The following TRPS1 variants were observed in gnomAD, a reference collection of about 807,000 sequenced individuals.
The protein encoded by TRPS1 is transcriptional repressor GATA binding 1, also known as zinc finger transcription factor Trps1.
Under a neutral mutation model 101.2 loss-of-function variants are expected in TRPS1, and 6 were observed. The ratio of observed to expected loss-of-function variants is 0.06; its 90% CI spans 0.03 to 0.12. The LOEUF (loss-of-function observed/expected upper bound fraction) is 0.12. Among genes scored for constraint, TRPS1 ranks in the 10% least tolerant of loss-of-function variants. TRPS1 has a pLI of 1.00. For synonymous variants in TRPS1, 578 were observed against 589.8 expected, an observed-to-expected ratio of 0.98 and a Z score of 0.29; for missense variants, 1,363 against 1,567.0, an observed-to-expected ratio of 0.87 and a Z score of 2.20.
At chr8:115,448,887 G>C (rs1048595310) in intron 5 of TRPS1, among the ~76,000 whole-genome samples, 4 of 152,046 alleles carry the variant, frequency 2.6e-5, no homozygotes, top group African/African-American at 9.7e-5. Context: ...AAACTTCGTC[G>C]ATCATCTTTT....
chr8:115,547,228 T>G (rs1448857201), intron 5 of TRPS1, among the ~76,000 whole-genome samples: 1 of 152,172 alleles, frequency 6.6e-6, no homozygotes, highest in East Asian at 1.9e-4. Flanking sequence ...TAAGCATCAC[T>G]TGCTTTTTTA....
At position 115,414,645 on chromosome 8, in the gene TRPS1, G is replaced by C. The variant is rs778946343; in HGVS notation, c.3263C>G (p.Ala1088Gly). 1 of 1,613,988 alleles carries C rather than the reference G, an allele frequency of 6.2e-7. No homozygotes were observed. The highest frequency in any genetic ancestry group is 2.2e-5 in the East Asian group (1 of 44,866). The change falls in exon 7 of 7, where the codon GCG becomes GGG. Residue 1088 changes from alanine (A) to glycine (G), a missense_variant. Around this residue, in one of 5 missense-constraint regions of TRPS1, gnomAD observed 307 missense variants for 392.4 expected, o/e 0.78. Transcript: ENST00000395715. This position sits in a 1 kb window ranked among gnomAD's most constrained non-coding sequence, Gnocchi z 4.8. ...TGGTGGTGAATAATTTGGGTGTTTC[G>C]CAGGTCTCATGTACTTTTCTATAGG... ...GSPIEKYMRP[A>G]KHPNYSPPGS...
chr8:115,499,584 A>G (rs909545802), intron 5 of TRPS1, among the ~76,000 whole-genome samples: 7 of 152,226 alleles, frequency 4.6e-5, no homozygotes, highest in African/African-American at 1.7e-4. Flanking sequence ...CAAGAAAAAC[A>G]GTTTAAATCA....
Position 115,629,002 on chromosome 8 carries a change from C to A in TRPS1, c.-121-5244G>T, listed in dbSNP as rs781369330. ...GTGTCCAATCTAGACTGAAATTTCC[C>A]AATCTCATTTGGCTTTATGTCACAT... On this transcript the variant is annotated intron_variant, in intron 1 of 6. Coordinates refer to ENST00000395715, the MANE Select transcript of TRPS1 (RefSeq NM_014112.5). Among the ~76,000 whole-genome samples the A allele has an allele frequency of 2.0e-5, 3 of 151,888 alleles. No individual in the cohort carries two copies. In the South Asian group the frequency reaches 6.2e-4, roughly 31 times the overall value.
intron 5 of TRPS1, among the ~76,000 whole-genome samples, chr8:115,516,702 G>GT (rs757802953): frequency 1.6e-4 from 24 of 151,522 alleles, no homozygotes; most frequent in Non-Finnish European, 2.2e-4. Context: ...AAACTTAGAA[G>GT]TAGGCAAGGT....
Position 115,413,965 on chromosome 8 carries a change from C to G in TRPS1, c.*58G>C. Reference sequence around the variant, plus strand: ...ATAGGTCTTCATAAGACATTACAAGCTATTGAATTCCCATCAAGAAAACCT... The same window carrying G: ...ATAGGTCTTCATAAGACATTACAAGGTATTGAATTCCCATCAAGAAAACCT... On this transcript the variant is annotated 3_prime_UTR_variant, in exon 7 of 7. Coordinates refer to ENST00000395715, the MANE Select transcript of TRPS1 (RefSeq NM_014112.5). The G allele has an allele frequency of 6.5e-7, 1 of 1,545,492 alleles. No individual in the cohort carries two copies. The highest frequency in any genetic ancestry group is 8.9e-7 in the Non-Finnish European group (1 of 1,127,720).
At chr8:115,516,417 A>T (rs1282274578) in intron 5 of TRPS1, among the ~76,000 whole-genome samples, 2 of 151,560 alleles carry the variant, frequency 1.3e-5, no homozygotes, top group African/African-American at 2.4e-5. Context: ...GTGAGTGAAA[A>T]AAATTGATAT....
rs909610341 is a variant in TRPS1, at chr8:115,575,205, G to A, written c.2700+11796C>T. Among the ~76,000 whole-genome samples the A allele has an allele frequency of 5.9e-5, 9 of 152,122 alleles. No homozygotes were observed. The East Asian group carries it at 1.4e-3, about 23-fold the overall frequency. On this transcript the variant is annotated intron_variant, in intron 5 of 6. Coordinates refer to ENST00000395715, the MANE Select transcript of TRPS1 (RefSeq NM_014112.5). ...ATAATAGCAAAAAATAGAAATAAAT[G>A]TCCAACAATAAGAAATCGATAGACA...
chr8:115,592,011 C>T (rs1212679530), intron 4 of TRPS1, among the ~76,000 whole-genome samples: 2 of 152,134 alleles, frequency 1.3e-5, no homozygotes, highest in African/African-American at 2.4e-5. Context: ...TTTCCACTTC[C>T]TACCTTTCTA....
intron 3 of TRPS1, among the ~76,000 whole-genome samples, chr8:115,607,461 A>T (rs945785855): frequency 6.6e-6 from 1 of 151,402 alleles, no homozygotes; most frequent in African/African-American, 2.4e-5. Flanking sequence ...AAAATGTGCC[A>T]ACTTCATTAT....
At chr8:115,442,326 T>A (rs990340199) in intron 5 of TRPS1, among the ~76,000 whole-genome samples, 5 of 152,306 alleles carry the variant, frequency 3.3e-5, no homozygotes, top group African/African-American at 1.2e-4. Flanking sequence ...AAAATACATT[T>A]AATTTTCTAT....
rs1811998649 is a variant in TRPS1, at chr8:115,668,743, A to AG, written c.-321_-320insC. On this transcript the variant is annotated 5_prime_UTR_variant, in exon 1 of 7. Coordinates refer to ENST00000395715, the MANE Select transcript of TRPS1 (RefSeq NM_014112.5). ...AGAGAGAGAGAGAGAGAGAGAGAGAAAGAGAAAGGAAATAGAGCAAGGATG... is the reference window on the plus strand; with the variant it reads ...AGAGAGAGAGAGAGAGAGAGAGAGAAGAGAGAAAGGAAATAGAGCAAGGATG... The AG allele has an allele frequency of 6.9e-6, 1 of 145,936 alleles. No homozygotes were observed. 9.0% of individuals were successfully genotyped at this position (145,936 alleles called of 1,614,324 possible). A position where few individuals can be genotyped will look rare whatever the true frequency, so the allele number is the denominator to read the frequency against.
intron 1 of TRPS1, among the ~76,000 whole-genome samples, chr8:115,628,280 C>CA (rs1818554094): frequency 6.6e-6 from 1 of 151,816 alleles, no homozygotes; most frequent in South Asian, 2.1e-4. Flanking sequence ...ACAGATAACA[C>CA]AAACATTACA....
At chr8:115,615,489 G>A (rs1005014447) in intron 3 of TRPS1, among the ~76,000 whole-genome samples, 1 of 152,222 alleles carries the variant, frequency 6.6e-6, no homozygotes, top group African/African-American at 2.4e-5. Context: ...AAAGAAGCTA[G>A]CAGGGCGCGG....
At chr8:115,454,080 A>G (rs1475426747) in intron 5 of TRPS1, among the ~76,000 whole-genome samples, 1 of 152,100 alleles carries the variant, frequency 6.6e-6, no homozygotes, top group East Asian at 1.9e-4. Flanking sequence ...CCTGGAAATT[A>G]TAGGGTAGTG....
chr8:115,444,753 T>G (rs1813689883), intron 5 of TRPS1, among the ~76,000 whole-genome samples: 1 of 152,140 alleles, frequency 6.6e-6, no homozygotes, highest in East Asian at 1.9e-4. Context: ...AAAGATGATT[T>G]TCTTCCCCTT....
At chr8:115,668,251 A>T (rs1314233858) in intron 1 of TRPS1, 2 of 297,994 alleles carry the variant, frequency 6.7e-6, no homozygotes, top group Non-Finnish European at 1.2e-5. Flanking sequence ...GAAGAAAGAA[A>T]GAAAGAAATC....
intron 5 of TRPS1, among the ~76,000 whole-genome samples, chr8:115,584,543 T>A (rs1817521821): frequency 6.6e-6 from 1 of 151,948 alleles, no homozygotes; most frequent in Non-Finnish European, 1.5e-5. Flanking sequence ...TTACAGGACA[T>A]CTTCACTAAT....
Position 115,619,756 on chromosome 8 carries a change from C to T in TRPS1, c.342G>A (p.Pro114=), listed in dbSNP as rs200131404. Residue 114 remains proline (P), a synonymous_variant, in exon 3 of 7, where the codon CCG becomes CCA. Coordinates refer to ENST00000395715, the MANE Select transcript of TRPS1 (RefSeq NM_014112.5). The part of the protein sequence containing the change: ...PSKGGNFPSF[P]HDEVTDRNML... ...TATTTCTGTCTGTCACCTCATCATG[C>T]GGAAAGGAGGGAAAGTTTCCTCCCT... The T allele has an allele frequency of 4.2e-5, 68 of 1,614,150 alleles. No homozygotes were observed. The highest frequency in any genetic ancestry group is 1.0e-4 in the Admixed American group (6 of 60,016).
Sources: gnomAD v4.1 joint callset for allele counts (sites outside exome capture counted in the v4.1 genomes callset) on GRCh38, gnomAD v4.1.1 for gene constraint, gnomAD v4.1.1 regional missense constraint, Gnocchi (gnomAD v3.1) non-coding constraint, MANE v1.5 for transcripts, NCBI Gene and HGNC (gene_info 2026-07-23, HGNC 2026-07-21) for gene names.